The following CLEC4A variants were observed in gnomAD, a reference collection of about 807,000 sequenced individuals.
CLEC4A encodes the protein C-type (calcium dependent, carbohydrate-recognition domain) lectin, superfamily member 6.
CLEC4A carries 27 observed loss-of-function variants against 32.7 expected under a neutral mutation model. The observed-to-expected ratio is 0.83, with a 90% CI of 0.61 to 1.14. The LOEUF is 1.14. CLEC4A is among the 50% of genes most tolerant of loss of function. CLEC4A has a pLI of 0.00. For synonymous variants in CLEC4A, 89 were observed against 93.7 expected, an observed-to-expected ratio of 0.95 and a Z score of 0.29; for missense variants, 253 against 274.6, an observed-to-expected ratio of 0.92 and a Z score of 0.55.
At chr12:8,106,019 A>G in the CLEC4A span, among the ~76,000 whole-genome samples, 2 of 151,932 alleles carry the variant, frequency 1.3e-5, no homozygotes, top group African/African-American at 4.8e-5. Context: ...TTATAGTTTT[A>G]TGTTTTATAT....
intron 3 of CLEC4A, among the ~76,000 whole-genome samples, chr12:8,132,627 C>G (rs556827600): frequency 6.6e-6 from 1 of 152,070 alleles, no homozygotes; most frequent in Admixed American, 6.6e-5. Flanking sequence ...TTGGGTGGAG[C>G]GTTCTATAAA....
intron 1 of CLEC4A, 52 bp from the exon 2 acceptor site, chr12:8,125,509 G>T: frequency 1.0e-6 from 1 of 957,422 alleles, no homozygotes. Flanking sequence ...GGAAGAAGAG[G>T]AAGTAAAGAC....
chr12:8,103,373 G>GTTTTTTT, the CLEC4A span, among the ~76,000 whole-genome samples: 2,761 of 77,394 alleles, frequency 0.036, 197 homozygotes, highest in East Asian at 0.076. Context: ...GTTTCTTTCT[G>GTTTTTTT]TTGTTTTTTT....
upstream of CLEC4A, among the ~76,000 whole-genome samples, chr12:8,120,659 T>C (rs1382001999): frequency 8.1e-6 from 1 of 123,436 alleles, no homozygotes; most frequent in Non-Finnish European, 1.9e-5. Flanking sequence ...TAAATAAATG[T>C]AAATAGATGT....
At chr12:8,131,471 G>A (rs1177046236) in intron 3 of CLEC4A, among the ~76,000 whole-genome samples, 4 of 150,136 alleles carry the variant, frequency 2.7e-5, no homozygotes, top group African/African-American at 4.9e-5. Flanking sequence ...AAGTGCAAAG[G>A]CAGTCCACTG....
chr12:8,105,668 A>G, the CLEC4A span, among the ~76,000 whole-genome samples: 2 of 151,930 alleles, frequency 1.3e-5, no homozygotes, highest in Non-Finnish European at 2.9e-5. Context: ...GCAATTTTTC[A>G]TATGCTTGTT....
chr12:8,134,614 T>C (rs758636707), intron 3 of CLEC4A: 2 of 1,611,570 alleles, frequency 1.2e-6, no homozygotes, highest in Non-Finnish European at 1.7e-6. Flanking sequence ...CCCACTCCAG[T>C]CTGAGGCCCA....
At chr12:8,135,481 T>G (rs1591612476) in intron 3 of CLEC4A, 104 bp from the exon 4 acceptor site, 2 of 1,207,724 alleles carry the variant, frequency 1.7e-6, no homozygotes, top group Non-Finnish European at 2.3e-6. Flanking sequence ...TGGAGGGGAG[T>G]TCCAGCTTCC....
chr12:8,134,336 AC>A, intron 3 of CLEC4A: 1 of 1,611,498 alleles, frequency 6.2e-7, no homozygotes, highest in Non-Finnish European at 8.5e-7. Context: ...CCCAAATAGA[AC>A]CCCCAGGGTG....
intron 3 of CLEC4A, among the ~76,000 whole-genome samples, chr12:8,130,621 A>G (rs1456371546): frequency 6.6e-6 from 1 of 152,144 alleles, no homozygotes; most frequent in Non-Finnish European, 1.5e-5. Context: ...GCTTCAAGCA[A>G]TCCTCCCACC....
rs1482527850 is a variant in CLEC4A, at chr12:8,138,215, A to T, written c.642A>T (p.Arg214Ser). The change falls in exon 6 of 6, where the codon AGA becomes AGT. Residue 214 changes from arginine (R) to serine (S), a missense_variant. Coordinates refer to ENST00000229332, the MANE Select transcript of CLEC4A (RefSeq NM_016184.4). ...TAAATTTTCGTAAATCACCCAAAAGATGGGGCTGGAATGATGTTAATTGTC... is the reference window on the plus strand; with the variant it reads ...TAAATTTTCGTAAATCACCCAAAAGTTGGGGCTGGAATGATGTTAATTGTC... ...VVLNFRKSPK[R>S]WGWNDVNCLG... The T allele has an allele frequency of 6.2e-7, 1 of 1,614,184 alleles. No individual in the cohort carries two copies.
chr12:8,103,373 G>GTTTTTT, the CLEC4A span, among the ~76,000 whole-genome samples: 5,086 of 77,204 alleles, frequency 0.066, 512 homozygotes, highest in East Asian at 0.1. Flanking sequence ...GTTTCTTTCT[G>GTTTTTT]TTGTTTTTTT....
the CLEC4A span, among the ~76,000 whole-genome samples, chr12:8,108,027 C>T: frequency 6.6e-6 from 1 of 152,106 alleles, no homozygotes; most frequent in South Asian, 2.1e-4. Flanking sequence ...GCATGTAGCA[C>T]TATAAATTTC....
At chr12:8,103,701 T>C in the CLEC4A span, among the ~76,000 whole-genome samples, 3 of 152,188 alleles carry the variant, frequency 2.0e-5, no homozygotes, top group African/African-American at 2.4e-5. Flanking sequence ...TTGTTTTTCA[T>C]ATGCCACAAG....
the CLEC4A span, among the ~76,000 whole-genome samples, chr12:8,108,860 G>C: frequency 1.3e-5 from 2 of 152,020 alleles, no homozygotes; most frequent in African/African-American, 4.8e-5. Context: ...ACCCACTATG[G>C]ATTTTTTGAC....
the CLEC4A span, among the ~76,000 whole-genome samples, chr12:8,109,747 A>G: frequency 2.0e-5 from 3 of 152,168 alleles, no homozygotes; most frequent in African/African-American, 7.2e-5. Context: ...TGAAGTCCCT[A>G]GAACAGGGCC....
the CLEC4A span, among the ~76,000 whole-genome samples, chr12:8,111,414 A>G: frequency 1.4e-5 from 2 of 147,460 alleles, no homozygotes; most frequent in African/African-American, 5.0e-5. Context: ...TCCTGACCTC[A>G]GATGGTCCAC....
chr12:8,110,258 T>C, the CLEC4A span, among the ~76,000 whole-genome samples: 1 of 152,138 alleles, frequency 6.6e-6, no homozygotes, highest in African/African-American at 2.4e-5. Context: ...GAAATATGGT[T>C]ATCCATATTT....
intron 3 of CLEC4A, chr12:8,134,973 G>GTTTTGT: frequency 3.2e-6 from 1 of 313,424 alleles, no homozygotes; most frequent in African/African-American, 5.4e-5. Context: ...TTGTTGAAGC[G>GTTTTGT]TTTTTGTTTT....
Sources: gnomAD v4.1 joint callset for allele counts (sites outside exome capture counted in the v4.1 genomes callset) on GRCh38, gnomAD v4.1.1 for gene constraint, MANE v1.5 for transcripts, NCBI Gene and HGNC (gene_info 2026-07-23, HGNC 2026-07-21) for gene names.